The following SPMIP7 variants were observed in gnomAD, a reference collection of about 807,000 sequenced individuals.
SPMIP7 encodes the protein protein SPMIP7.
the SPMIP7 span, among the ~76,000 whole-genome samples, chr7:50,128,045 C>CA: frequency 3.3e-5 from 5 of 151,850 alleles, no homozygotes; most frequent in African/African-American, 9.7e-5. Flanking sequence ...TCGCATTAGG[C>CA]AAAATGTGGA....
At chr7:50,096,633 T>G in the SPMIP7 span, 1 of 1,532,624 alleles carries the variant, frequency 6.5e-7, no homozygotes, top group Non-Finnish European at 8.8e-7. Flanking sequence ...AGAGCAAGAC[T>G]TGGAGGTAAA....
At chr7:50,102,563 A>G in the SPMIP7 span, among the ~76,000 whole-genome samples, 1 of 152,130 alleles carries the variant, frequency 6.6e-6, no homozygotes, top group Non-Finnish European at 1.5e-5. Flanking sequence ...AGGTCCGCTG[A>G]CACTCTGTTC....
chr7:50,131,608 G>A, the SPMIP7 span, among the ~76,000 whole-genome samples: 1 of 152,170 alleles, frequency 6.6e-6, no homozygotes, highest in African/African-American at 2.4e-5. Flanking sequence ...GAGAAAAAAA[G>A]AGGAGAAGCC....
the SPMIP7 span, among the ~76,000 whole-genome samples, chr7:50,119,067 A>C: frequency 1.1e-4 from 17 of 152,190 alleles, no homozygotes; most frequent in Non-Finnish European, 2.1e-4. Flanking sequence ...CAGACCTTTC[A>C]AAACCCAGAA....
the SPMIP7 span, among the ~76,000 whole-genome samples, chr7:50,127,855 A>C: frequency 6.6e-6 from 1 of 151,952 alleles, no homozygotes; most frequent in Non-Finnish European, 1.5e-5. Context: ...ACTTTCATTC[A>C]CTGTTGGTAG....
chr7:50,125,367 T>TATATAC, the SPMIP7 span, among the ~76,000 whole-genome samples: 4 of 109,172 alleles, frequency 3.7e-5, no homozygotes, highest in East Asian at 3.4e-4. Flanking sequence ...TATATACACA[T>TATATAC]ATATATACAC....
chr7:50,146,599 T>C, the SPMIP7 span, among the ~76,000 whole-genome samples: 1 of 152,238 alleles, frequency 6.6e-6, no homozygotes, highest in African/African-American at 2.4e-5. Context: ...TGCAAAATGA[T>C]TCCAGTTTTA....
At chr7:50,144,593 G>A in the SPMIP7 span, among the ~76,000 whole-genome samples, 862 of 152,174 alleles carry the variant, frequency 5.7e-3, 30 homozygotes, top group South Asian at 0.09. Flanking sequence ...CATTCTTTTG[G>A]AACAAATCAC....
chr7:50,155,909 T>C, the SPMIP7 span, among the ~76,000 whole-genome samples: 2 of 6,618 alleles, frequency 3.0e-4, no homozygotes, highest in Non-Finnish European at 6.9e-4. Flanking sequence ...AGGTAGCTTC[T>C]CTGGGATTCT....
the SPMIP7 span, among the ~76,000 whole-genome samples, chr7:50,133,042 T>C: frequency 6.6e-6 from 1 of 152,178 alleles, no homozygotes; most frequent in Non-Finnish European, 1.5e-5. Context: ...AGATCAAGTT[T>C]CACACTAAGT....
chr7:50,101,734 G>C, the SPMIP7 span, among the ~76,000 whole-genome samples: 2 of 152,116 alleles, frequency 1.3e-5, no homozygotes, highest in African/African-American at 2.4e-5. Flanking sequence ...ACCACAAAAT[G>C]CCATCCTGTT....
At chr7:50,096,585 G>A in the SPMIP7 span, 1 of 1,551,712 alleles carries the variant, frequency 6.4e-7, no homozygotes. Flanking sequence ...CAACAGAACA[G>A]GAGATGGAAT....
the SPMIP7 span, among the ~76,000 whole-genome samples, chr7:50,146,923 G>T: frequency 6.6e-6 from 1 of 152,162 alleles, no homozygotes; most frequent in Non-Finnish European, 1.5e-5. Context: ...ACCCTCCAAG[G>T]GAGTGCAGCT....
chr7:50,145,166 G>A, the SPMIP7 span, among the ~76,000 whole-genome samples: 3 of 152,044 alleles, frequency 2.0e-5, no homozygotes, highest in South Asian at 2.1e-4. Flanking sequence ...GGGAGGCTGA[G>A]GCAGGAGAAT....
the SPMIP7 span, among the ~76,000 whole-genome samples, chr7:50,127,776 C>G: frequency 6.6e-6 from 1 of 151,662 alleles, no homozygotes; most frequent in South Asian, 2.1e-4. Context: ...TCATCTCACA[C>G]CAGTTAAAAT....
At chr7:50,147,912 C>A in the SPMIP7 span, among the ~76,000 whole-genome samples, 2 of 152,188 alleles carry the variant, frequency 1.3e-5, no homozygotes, top group African/African-American at 4.8e-5. Flanking sequence ...AAGTGGGTCT[C>A]TGCGTCTCTC....
the SPMIP7 span, among the ~76,000 whole-genome samples, chr7:50,129,232 G>C: frequency 6.6e-6 from 1 of 151,668 alleles, no homozygotes; most frequent in African/African-American, 2.4e-5. Flanking sequence ...AAAAGCAAAA[G>C]GAGGCAACAA....
chr7:50,120,944 G>C, the SPMIP7 span, among the ~76,000 whole-genome samples: 2 of 152,098 alleles, frequency 1.3e-5, no homozygotes, highest in African/African-American at 4.8e-5. Flanking sequence ...TGATGAGTTT[G>C]GTTCGCAGAG....
the SPMIP7 span, chr7:50,129,598 G>T: frequency 7.1e-6 from 5 of 706,968 alleles, no homozygotes; most frequent in Non-Finnish European, 1.2e-5. Context: ...CAATCCAAGA[G>T]GTGCGTGAAA....
Sources: allele counts gnomAD v4.1 joint callset (sites outside exome capture counted in the v4.1 genomes callset), GRCh38; gene constraint gnomAD v4.1.1; transcripts MANE v1.5; gene names NCBI Gene and HGNC (gene_info 2026-07-23, HGNC 2026-07-21).